TTC39B: variants seen among roughly 807,000 people sequenced by gnomAD.
TTC39B encodes the protein tetratricopeptide repeat protein 39B.
TTC39B carries 92 observed loss-of-function variants against 96.6 expected under a neutral mutation model. The observed-to-expected ratio is 0.95, with a 90% CI of 0.80 to 1.13. The LOEUF (loss-of-function observed/expected upper bound fraction) is 1.13, where lower values mean the gene tolerates loss of function less well. TTC39B is among the 50% of genes most tolerant of loss of function. The pLI is 0.00. For missense variants in TTC39B, 955 were observed against 809.3 expected, an observed-to-expected ratio of 1.18 and a Z score of -2.18; for synonymous variants, 367 against 299.4, an observed-to-expected ratio of 1.23 and a Z score of -2.33.
exon 20 of TTC39B, chr9:15,169,774 A>C (rs1346948898): frequency 6.6e-6 from 1 of 152,226 alleles, no homozygotes; most frequent in Non-Finnish European, 1.5e-5. Context: ...AAATATAAAT[A>C]ACAAAAAAGA....
Position 15,274,539 on chromosome 9 carries a change from A to C in TTC39B, c.241-6591T>G, listed in dbSNP as rs550259218. On this transcript the variant is annotated intron_variant, in intron 1 of 19. Transcript: ENST00000512701. The stretch of plus-strand genomic sequence containing the variant: ...TACCCTCCTTAAAGGATTAGCATCA[A>C]AGCAAGTCCTTTGTGAAACCTTAAC... Among the ~76,000 whole-genome samples, 4 of 152,330 alleles carry C rather than the reference A, an allele frequency of 2.6e-5. No individual in the cohort carries two copies. The East Asian group carries it at 7.7e-4, about 29-fold the overall frequency.
In TTC39B at chr9:15,186,936, T is replaced by G; in HGVS notation, c.1487+8A>C. 1 of 1,612,266 alleles carries G rather than the reference T, an allele frequency of 6.2e-7. No homozygotes were observed. ...GAGCCTTTGTTATAGGAATAGTGTC[T>G]CACATACCTGAATAAAGTTACCACA... On this transcript the variant is annotated splice_region_variant and intron_variant, in intron 15 of 19. Transcript: ENST00000512701.
At position 15,244,821 on chromosome 9, in the gene TTC39B, G is replaced by C. The variant is rs961398031; in HGVS notation, c.276-18809C>G. On this transcript the variant is annotated intron_variant, in intron 2 of 19. Transcript: ENST00000512701. ...ACAGGTTTTCAGTGGGACACTGAAT[G>C]GGGGGGACATTGTCTTTTCTTTTAA... Among the ~76,000 whole-genome samples the C allele has an allele frequency of 1.2e-4, 16 of 137,664 alleles. No individual in the cohort carries two copies. The East Asian group carries it at 2.7e-3, about 23-fold the overall frequency. The allele number at this position is 137,664 out of a possible 152,430, so 90.3% of individuals were successfully genotyped here.
chr9:15,288,098 T>G (rs978919471), intron 1 of TTC39B, among the ~76,000 whole-genome samples: 4 of 152,172 alleles, frequency 2.6e-5, no homozygotes, highest in Non-Finnish European at 2.9e-5. Context: ...GAAATCAAAC[T>G]ACATTTTGAT....
At chr9:15,213,449 A>G (rs959382151) in intron 4 of TTC39B, among the ~76,000 whole-genome samples, 6 of 152,200 alleles carry the variant, frequency 3.9e-5, no homozygotes, top group African/African-American at 7.2e-5. Flanking sequence ...AGGTCAATCA[A>G]TCTCTAAGAT....
At chr9:15,270,790 C>T (rs1352691737) in intron 1 of TTC39B, among the ~76,000 whole-genome samples, 1 of 151,414 alleles carries the variant, frequency 6.6e-6, no homozygotes, top group Non-Finnish European at 1.5e-5. Context: ...CGAAACTCTC[C>T]ATTTTGTTGA....
intron 17 of TTC39B, among the ~76,000 whole-genome samples, chr9:15,180,281 C>T (rs1293701415): frequency 6.6e-6 from 1 of 152,214 alleles, no homozygotes; most frequent in African/African-American, 2.4e-5. Context: ...AAGTCAGTAT[C>T]ACTTTCCCTT....
intron 1 of TTC39B, among the ~76,000 whole-genome samples, chr9:15,272,645 T>A (rs16932897): frequency 0.034 from 5,127 of 152,202 alleles, 288 homozygotes; most frequent in African/African-American, 0.12. Flanking sequence ...CTCCAAACAG[T>A]ATCTAACTTG....
At chr9:15,251,496 A>T (rs997504835) in intron 2 of TTC39B, among the ~76,000 whole-genome samples, 1 of 151,950 alleles carries the variant, frequency 6.6e-6, no homozygotes, top group Non-Finnish European at 1.5e-5. Context: ...GGGTAGGTGC[A>T]GGTTGCGGTG....
At chr9:15,224,545 G>A (rs1037354848) in intron 3 of TTC39B, 2 of 152,196 alleles carry the variant, frequency 1.3e-5, no homozygotes, top group Non-Finnish European at 2.9e-5. Flanking sequence ...CAACAACTAC[G>A]TGCATGCTAA....
chr9:15,169,312 A>C (rs1171038507), exon 20 of TTC39B: 2 of 152,232 alleles, frequency 1.3e-5, no homozygotes, highest in African/African-American at 4.8e-5. Flanking sequence ...ATATATGTCC[A>C]GATAAGAGCT....
chr9:15,259,646 G>C (rs944319012), intron 2 of TTC39B, among the ~76,000 whole-genome samples: 2 of 152,116 alleles, frequency 1.3e-5, no homozygotes, highest in Admixed American at 6.5e-5. Flanking sequence ...AGTGCAGATG[G>C]TCCCCAACTT....
intron 3 of TTC39B, among the ~76,000 whole-genome samples, 164 bp downstream of exon 3, chr9:15,225,753 T>C (rs1239841679): frequency 6.6e-6 from 1 of 152,234 alleles, no homozygotes; most frequent in Non-Finnish European, 1.5e-5. Context: ...AGCCACCGTA[T>C]CTCCTTCCCT....
intron 2 of TTC39B, among the ~76,000 whole-genome samples, chr9:15,246,238 A>G (rs1822269702): frequency 6.6e-6 from 1 of 152,172 alleles, no homozygotes; most frequent in African/African-American, 2.4e-5. Context: ...GGGCAACCAG[A>G]GTGACAGGAA....
At chr9:15,225,122 T>C (rs1821051529) in intron 3 of TTC39B, among the ~76,000 whole-genome samples, 1 of 152,180 alleles carries the variant, frequency 6.6e-6, no homozygotes, top group African/African-American at 2.4e-5. Context: ...CTGTTAATTC[T>C]AAAATGATCT....
intron 2 of TTC39B, among the ~76,000 whole-genome samples, chr9:15,261,143 G>T (rs1056724681): frequency 3.3e-5 from 5 of 152,072 alleles, no homozygotes; most frequent in Non-Finnish European, 7.4e-5. Flanking sequence ...TTAGATTTTT[G>T]TCCCATTGCC....
At chr9:15,267,657 T>C (rs1823183688) in intron 2 of TTC39B, among the ~76,000 whole-genome samples, 1 of 152,214 alleles carries the variant, frequency 6.6e-6, no homozygotes, top group African/African-American at 2.4e-5. Flanking sequence ...TTAAAAGAGT[T>C]AGCTATAAAC....
At chr9:15,189,926 T>C in intron 11 of TTC39B, 134 bp from the exon 12 acceptor site, 1 of 654,530 alleles carries the variant, frequency 1.5e-6, no homozygotes, top group Non-Finnish European at 2.7e-6. Context: ...ATCATTTTTA[T>C]ATCTGGGGAA....
intron 3 of TTC39B, among the ~76,000 whole-genome samples, chr9:15,216,896 C>T (rs1820548006): frequency 6.6e-6 from 1 of 152,152 alleles, no homozygotes; most frequent in African/African-American, 2.4e-5. Context: ...CCAGGGTCAT[C>T]CCTGATTGGG....
Sources: gnomAD v4.1 joint callset for allele counts (sites outside exome capture counted in the v4.1 genomes callset) on GRCh38, gnomAD v4.1.1 for gene constraint, MANE v1.5 for transcripts, NCBI Gene and HGNC (gene_info 2026-07-23, HGNC 2026-07-21) for gene names.